TRIQK: variants seen among roughly 807,000 people sequenced by gnomAD.
TRIQK encodes triple QxxK/R motif containing, also known as triple QxxK/R motif-containing protein.
In TRIQK, 10 loss-of-function variants were observed where a neutral mutation model predicts 10.8. That is an observed-to-expected ratio of 0.92 (90% CI 0.57 to 1.57). The LOEUF (loss-of-function observed/expected upper bound fraction) is 1.57, where lower values mean the gene tolerates loss of function less well. TRIQK is among the 40% of genes most tolerant of loss of function. The pLI is 0.00. For synonymous variants in TRIQK, 33 were observed against 33.7 expected (o/e 0.98, Z 0.07); for missense variants, 107 against 97.7 (o/e 1.09, Z -0.40).
chr8:92,920,683 A>C (rs764976174), intron 2 of TRIQK, among the ~76,000 whole-genome samples: 2 of 151,796 alleles, frequency 1.3e-5, no homozygotes, highest in African/African-American at 2.4e-5. Context: ...GAAAGTGGAC[A>C]TGAGAATTAG....
Position 92,885,120 on chromosome 8 carries a change from T to A in TRIQK, c.*1502A>T. ...ACACCGGCTAAATTTTGCCCTCAGA[T>A]GTTTGGCATAAATGATTTGTGAGGA... On this transcript the variant is annotated 3_prime_UTR_variant, in exon 5 of 5. Coordinates refer to ENST00000521988, the MANE Select transcript of TRIQK (RefSeq NM_001171797.2). 2.4e-6 allele frequency: 1 copy of A among 420,368 alleles called. No homozygotes were observed. 26.0% of individuals were successfully genotyped at this position (420,368 alleles called of 1,614,324 possible).
intron 1 of TRIQK, among the ~76,000 whole-genome samples, chr8:92,979,521 A>T (rs938622218): frequency 6.6e-6 from 1 of 152,080 alleles, no homozygotes; most frequent in Non-Finnish European, 1.5e-5. Context: ...AAAAAATCTT[A>T]GTGGTATATG....
chr8:92,990,407 A>T (rs1166368314), intron 1 of TRIQK, among the ~76,000 whole-genome samples: 2 of 152,016 alleles, frequency 1.3e-5, no homozygotes, highest in Admixed American at 6.6e-5. Context: ...CACTTGCCAA[A>T]CCTGTCTATA....
intron 2 of TRIQK, among the ~76,000 whole-genome samples, chr8:92,942,892 G>A (rs779312333): frequency 4.6e-5 from 7 of 151,848 alleles, no homozygotes; most frequent in Non-Finnish European, 7.4e-5. Context: ...ACAGAGTTTC[G>A]CCATGTTGCT....
At chr8:93,010,771 T>C (rs1412526604) in intron 1 of TRIQK, among the ~76,000 whole-genome samples, 1 of 152,110 alleles carries the variant, frequency 6.6e-6, no homozygotes, top group African/African-American at 2.4e-5. Context: ...ACTGCAATAA[T>C]TCATGAAAAT....
intron 3 of TRIQK, among the ~76,000 whole-genome samples, chr8:92,904,141 T>TA (rs147252377): frequency 0.06 from 9,093 of 151,234 alleles, 499 homozygotes; most frequent in African/African-American, 0.15. Flanking sequence ...ATAAGTTGAT[T>TA]AAAAAAAAAT....
intron 1 of TRIQK, among the ~76,000 whole-genome samples, chr8:93,000,585 G>T (rs987095537): frequency 3.3e-5 from 5 of 152,116 alleles, no homozygotes; most frequent in Non-Finnish European, 7.3e-5. Context: ...TTGGGTGGGG[G>T]TTGGGGACAC....
chr8:92,897,976 G>A (rs1331971455), intron 3 of TRIQK, among the ~76,000 whole-genome samples: 6 of 151,820 alleles, frequency 4.0e-5, no homozygotes, highest in Admixed American at 2.0e-4. Flanking sequence ...AGCCCTGCTC[G>A]TGCACATGAC....
intron 1 of TRIQK, among the ~76,000 whole-genome samples, chr8:92,993,066 T>C (rs751720369): frequency 6.6e-6 from 1 of 152,214 alleles, no homozygotes; most frequent in Non-Finnish European, 1.5e-5. Context: ...TTCTAGGATC[T>C]TCTAAGAGAC....
At chr8:92,985,275 A>G (rs1813021065) in intron 1 of TRIQK, among the ~76,000 whole-genome samples, 1 of 152,178 alleles carries the variant, frequency 6.6e-6, no homozygotes, top group Non-Finnish European at 1.5e-5. Flanking sequence ...TGCACAAAAC[A>G]CAGAGAGAGA....
chr8:93,006,270 T>C (rs1369740520), intron 1 of TRIQK, among the ~76,000 whole-genome samples: 1 of 152,046 alleles, frequency 6.6e-6, no homozygotes, highest in Non-Finnish European at 1.5e-5. Flanking sequence ...CCAAGTTATT[T>C]CATTGGGACT....
chr8:92,903,530 A>T (rs532897964), intron 3 of TRIQK, among the ~76,000 whole-genome samples: 1 of 152,208 alleles, frequency 6.6e-6, no homozygotes, highest in Non-Finnish European at 1.5e-5. Context: ...AGTTAGGAGG[A>T]TTATTATACT....
intron 3 of TRIQK, among the ~76,000 whole-genome samples, chr8:92,892,319 A>G (rs1467372876): frequency 6.6e-6 from 1 of 151,966 alleles, no homozygotes; most frequent in Admixed American, 6.6e-5. Flanking sequence ...AAAAAAGATA[A>G]AAACTTGTTT....
chr8:92,998,747 A>G (rs376723905), intron 1 of TRIQK, among the ~76,000 whole-genome samples: 153 of 152,244 alleles, frequency 1.0e-3, no homozygotes, highest in African/African-American at 3.3e-3. Flanking sequence ...AAGGACTACA[A>G]AAATGAAATG....
At chr8:93,004,018 A>G (rs112666824) in intron 1 of TRIQK, among the ~76,000 whole-genome samples, 1,652 of 152,216 alleles carry the variant, frequency 0.011, 16 homozygotes, top group South Asian at 0.032. Flanking sequence ...TGGCTTTTCC[A>G]GGTGCACAGT....
At chr8:92,913,422 C>A (rs1809668998) in intron 3 of TRIQK, among the ~76,000 whole-genome samples, 1 of 152,112 alleles carries the variant, frequency 6.6e-6, no homozygotes, top group African/African-American at 2.4e-5. Context: ...CAGTGAGACA[C>A]CATCTCATGA....
At chr8:93,017,149 GAGAGAGA>G (rs1813392540) in intron 1 of TRIQK, among the ~76,000 whole-genome samples, 1 of 104,816 alleles carries the variant, frequency 9.5e-6, no homozygotes, top group Admixed American at 9.6e-5. Context: ...GAGAGAGAGA[GAGAGAGA>G]GAGAGAGAGA....
intron 1 of TRIQK, among the ~76,000 whole-genome samples, chr8:93,009,379 G>T (rs576065375): frequency 6.6e-6 from 1 of 152,182 alleles, no homozygotes; most frequent in Non-Finnish European, 1.5e-5. Flanking sequence ...GGAGGCCGAG[G>T]TGGGCAGATC....
At chr8:92,888,681 C>A (rs768613399) in intron 4 of TRIQK, among the ~76,000 whole-genome samples, 1 of 151,428 alleles carries the variant, frequency 6.6e-6, no homozygotes. Context: ...CTATTTTTAG[C>A]TTTAAATCAA....
Sources: gnomAD v4.1 joint callset for allele counts (sites outside exome capture counted in the v4.1 genomes callset) on GRCh38, gnomAD v4.1.1 for gene constraint, MANE v1.5 for transcripts, NCBI Gene and HGNC (gene_info 2026-07-23, HGNC 2026-07-21) for gene names.